Variants in SAMD4A observed in about 807,000 individuals in gnomAD.
SAMD4A encodes the protein sterile alpha motif domain containing 4A.
In SAMD4A, 33 loss-of-function variants were observed where a neutral mutation model predicts 81.3. That is an observed-to-expected ratio of 0.41 (90% CI 0.31 to 0.54). The LOEUF (loss-of-function observed/expected upper bound fraction) is 0.54. Among genes scored for constraint, SAMD4A ranks in the 20% least tolerant of loss-of-function variants. SAMD4A has a pLI of 0.37. For missense variants in SAMD4A, 854 were observed against 951.1 expected (o/e 0.90, Z 1.34); for synonymous variants, 389 against 382.1 (o/e 1.02, Z -0.21).
intron 2 of SAMD4A, among the ~76,000 whole-genome samples, chr14:54,607,392 A>G (rs1350914101): frequency 6.6e-6 from 1 of 152,066 alleles, no homozygotes; most frequent in Admixed American, 6.5e-5. Context: ...GTCAAAAATT[A>G]GGAAAAGTGG....
At chr14:54,750,327 T>C (rs1333935305) in intron 5 of SAMD4A, among the ~76,000 whole-genome samples, 1 of 152,198 alleles carries the variant, frequency 6.6e-6, no homozygotes, top group Non-Finnish European at 1.5e-5. Flanking sequence ...TTAATTTTTC[T>C]AGTAAAGATG....
intron 3 of SAMD4A, among the ~76,000 whole-genome samples, chr14:54,731,333 G>C (rs2037554177): frequency 6.6e-6 from 1 of 152,092 alleles, no homozygotes; most frequent in Non-Finnish European, 1.5e-5. Context: ...GAATTTCTTT[G>C]GGGAATGAGC....
intron 2 of SAMD4A, among the ~76,000 whole-genome samples, chr14:54,625,234 C>T (rs1166887285): frequency 6.6e-6 from 1 of 152,214 alleles, no homozygotes; most frequent in Non-Finnish European, 1.5e-5. Context: ...GTAGACTTCA[C>T]TCCAGTGAGA....
chr14:54,765,408 A>AGGCCAG (rs1279125843), intron 8 of SAMD4A, among the ~76,000 whole-genome samples: 2 of 148,208 alleles, frequency 1.3e-5, no homozygotes, highest in African/African-American at 5.0e-5. Flanking sequence ...GGATCACTCG[A>AGGCCAG]GGCCAGGAGC....
At chr14:54,748,220 T>C (rs970091647) in intron 4 of SAMD4A, among the ~76,000 whole-genome samples, 4 of 152,204 alleles carry the variant, frequency 2.6e-5, no homozygotes, top group South Asian at 2.1e-4. Context: ...CCCATTCAGG[T>C]ATATATAGGG....
At chr14:54,676,248 T>C (rs1195378235) in intron 2 of SAMD4A, among the ~76,000 whole-genome samples, 1 of 152,256 alleles carries the variant, frequency 6.6e-6, no homozygotes, top group Non-Finnish European at 1.5e-5. Flanking sequence ...CGTATTCAGA[T>C]ATCTCCATTT....
intron 2 of SAMD4A, among the ~76,000 whole-genome samples, chr14:54,669,914 C>T (rs994424127): frequency 6.6e-6 from 1 of 152,022 alleles, no homozygotes; most frequent in African/African-American, 2.4e-5. Context: ...GTGTATGCTG[C>T]GTTTTGAGGG....
chr14:54,753,956 T>C (rs2038175593), intron 6 of SAMD4A, among the ~76,000 whole-genome samples: 1 of 152,238 alleles, frequency 6.6e-6, no homozygotes. Flanking sequence ...TTACTCTTTC[T>C]TTGTTAGAAA....
chr14:54,580,044 T>C (rs1404247145), intron 2 of SAMD4A, among the ~76,000 whole-genome samples: 1 of 152,214 alleles, frequency 6.6e-6, no homozygotes, highest in African/African-American at 2.4e-5. Context: ...ACTAGCAACA[T>C]GCAATTAAGG....
chr14:54,621,669 C>T (rs979526349), intron 2 of SAMD4A, among the ~76,000 whole-genome samples: 1 of 152,126 alleles, frequency 6.6e-6, no homozygotes. Context: ...GCTCAAAACG[C>T]ATTTTTGATG....
At chr14:54,706,050 G>A (rs1193774986) in intron 3 of SAMD4A, among the ~76,000 whole-genome samples, 2 of 151,990 alleles carry the variant, frequency 1.3e-5, no homozygotes, top group East Asian at 3.9e-4. Context: ...GAACTGGAGG[G>A]TCAAGAAAGC....
chr14:54,745,583 A>T (rs10144709), intron 4 of SAMD4A, among the ~76,000 whole-genome samples: 39,975 of 152,182 alleles, frequency 0.26, 5,465 homozygotes, highest in South Asian at 0.33. Flanking sequence ...CTAGATTAAA[A>T]GTTCCTTAAT....
intron 3 of SAMD4A, among the ~76,000 whole-genome samples, chr14:54,710,623 C>T (rs1299747629): frequency 2.6e-5 from 4 of 152,110 alleles, no homozygotes; most frequent in Non-Finnish European, 4.4e-5. Context: ...CTGGATTTGG[C>T]CCCATACAGA....
rs12897503 is a variant in SAMD4A at position 54,718,129 on chromosome 14, A to T, written c.715+15549A>T. 2.0e-5 allele frequency among the ~76,000 whole-genome samples: 3 copies of T among 152,270 alleles called. No individual in the cohort carries two copies. In the South Asian group the frequency reaches 6.2e-4, roughly 32 times the overall value. On this transcript the variant is annotated intron_variant, in intron 3 of 12. Transcript: ENST00000554335. ...CTAGAGAAGCAGTTGCCCAGAGAAA[A>T]GCTCTTTAAGCACTCAACTGGGATA...
At chr14:54,601,681 T>G (rs1405419923) in intron 2 of SAMD4A, among the ~76,000 whole-genome samples, 5 of 152,232 alleles carry the variant, frequency 3.3e-5, no homozygotes, top group Non-Finnish European at 2.9e-5. Flanking sequence ...AACAGTGGAC[T>G]CCATAGCCAG....
At chr14:54,674,235 T>C (rs1251729978) in intron 2 of SAMD4A, among the ~76,000 whole-genome samples, 2 of 152,230 alleles carry the variant, frequency 1.3e-5, no homozygotes, top group African/African-American at 4.8e-5. Flanking sequence ...ATATATTCAG[T>C]GGCAGCAGAG....
intron 2 of SAMD4A, among the ~76,000 whole-genome samples, chr14:54,653,641 C>G (rs1039195013): frequency 3.9e-5 from 6 of 152,030 alleles, no homozygotes; most frequent in African/African-American, 9.7e-5. Context: ...TGCCTAGCCT[C>G]TCAATATTGT....
intron 2 of SAMD4A, among the ~76,000 whole-genome samples, chr14:54,589,850 A>G (rs879705726): frequency 9.9e-5 from 15 of 152,266 alleles, no homozygotes; most frequent in Middle Eastern, 6.8e-3. Context: ...TTTACTTCAC[A>G]TCCTTCAGGT....
intron 2 of SAMD4A, among the ~76,000 whole-genome samples, chr14:54,596,202 A>G (rs973348378): frequency 1.3e-5 from 2 of 152,222 alleles, no homozygotes; most frequent in African/African-American, 4.8e-5. Context: ...ACAAAGATGT[A>G]GGCAGGATTC....
Sources: gnomAD v4.1 joint callset for allele counts (sites outside exome capture counted in the v4.1 genomes callset) on GRCh38, gnomAD v4.1.1 for gene constraint, MANE v1.5 for transcripts, NCBI Gene and HGNC (gene_info 2026-07-23, HGNC 2026-07-21) for gene names.